Variants in DPP6 observed in about 807,000 individuals in gnomAD.
DPP6 encodes A-type potassium channel modulatory protein DPP6.
Under a neutral mutation model 122.6 loss-of-function variants are expected in DPP6, and 69 were observed. That is an observed-to-expected ratio of 0.56 (90% CI 0.46 to 0.69). DPP6 has a LOEUF of 0.69. Ranked by LOEUF, DPP6 falls within the 30% of genes least tolerant of loss-of-function variation. The pLI, the probability that DPP6 is intolerant of heterozygous loss-of-function variation, is 0.00. For missense variants in DPP6, 928 were observed against 1,116.9 expected (o/e 0.83, Z 2.41); for synonymous variants, 418 against 433.1 (o/e 0.97, Z 0.43).
intron 7 of DPP6, among the ~76,000 whole-genome samples, chr7:154,680,808 G>A (rs934945288): frequency 1.3e-5 from 2 of 152,054 alleles, no homozygotes; most frequent in African/African-American, 2.4e-5. Flanking sequence ...GCTTTTTGCA[G>A]AGAATCCAAA....
chr7:154,460,861 A>G (rs879222543), intron 2 of DPP6, among the ~76,000 whole-genome samples: 17 of 152,174 alleles, frequency 1.1e-4, no homozygotes, highest in Admixed American at 1.0e-3. Context: ...CAATCCAATT[A>G]TACTCTTTTA....
At chr7:154,541,848 A>G (rs1021735313) in intron 4 of DPP6, among the ~76,000 whole-genome samples, 1 of 152,166 alleles carries the variant, frequency 6.6e-6, no homozygotes, top group African/African-American at 2.4e-5. Flanking sequence ...GACTTAGAGC[A>G]TGAGCTTTTG....
At chr7:154,716,468 C>A (rs1265664275) in intron 7 of DPP6, among the ~76,000 whole-genome samples, 1 of 152,212 alleles carries the variant, frequency 6.6e-6, no homozygotes, top group Non-Finnish European at 1.5e-5. Flanking sequence ...CCCTTCAACT[C>A]TCTCCCATGC....
At chr7:153,859,447 C>A in the DPP6 span, among the ~76,000 whole-genome samples, 1 of 152,184 alleles carries the variant, frequency 6.6e-6, no homozygotes, top group Non-Finnish European at 1.5e-5. Flanking sequence ...ACGTGGCTGT[C>A]TAGACCATGT....
intron 1 of DPP6, among the ~76,000 whole-genome samples, chr7:154,382,677 A>G (rs1371673962): frequency 6.6e-6 from 1 of 152,216 alleles, no homozygotes; most frequent in Non-Finnish European, 1.5e-5. Context: ...TTCTTCTGCC[A>G]TAATTTTTCT....
chr7:154,386,341 G>A (rs561119766), intron 1 of DPP6, among the ~76,000 whole-genome samples: 1 of 152,002 alleles, frequency 6.6e-6, no homozygotes, highest in Non-Finnish European at 1.5e-5. Context: ...TTCTCCATGA[G>A]TAGGAGGAGG....
At chr7:153,934,221 T>C (rs972051859) in intron 1 of DPP6, among the ~76,000 whole-genome samples, 7 of 152,090 alleles carry the variant, frequency 4.6e-5, no homozygotes, top group Non-Finnish European at 8.8e-5. Context: ...GGTACTTCTG[T>C]GGCTCAGCAG....
At chr7:153,926,759 AT>A (rs1250682378) in intron 1 of DPP6, among the ~76,000 whole-genome samples, 3 of 152,150 alleles carry the variant, frequency 2.0e-5, no homozygotes, top group African/African-American at 7.2e-5. Context: ...ATTCCATGAA[AT>A]AAACAGACAG....
intron 21 of DPP6, chr7:154,884,018 TCA>T (rs1263358300): frequency 2.9e-5 from 3 of 104,756 alleles, no homozygotes; most frequent in African/African-American, 4.0e-5. Context: ...ACACACACGC[TCA>T]CACATACACT....
chr7:153,805,265 G>C, the DPP6 span, among the ~76,000 whole-genome samples: 2 of 152,256 alleles, frequency 1.3e-5, no homozygotes, highest in South Asian at 4.2e-4. Flanking sequence ...ATAAAATATA[G>C]TATATGACTG....
intron 20 of DPP6, among the ~76,000 whole-genome samples, chr7:154,878,617 C>T (rs1414482423): frequency 6.6e-6 from 1 of 152,218 alleles, no homozygotes; most frequent in Non-Finnish European, 1.5e-5. Flanking sequence ...CACAGTTCCC[C>T]CGTCCACCAC....
intron 4 of DPP6, among the ~76,000 whole-genome samples, chr7:154,557,171 G>C (rs114169686): frequency 6.4e-4 from 97 of 152,312 alleles, no homozygotes; most frequent in African/African-American, 2.2e-3. Flanking sequence ...TTATCCACCA[G>C]ATAAGTGGAG....
At chr7:154,144,265 C>G (rs557784225) in intron 1 of DPP6, among the ~76,000 whole-genome samples, 1 of 151,476 alleles carries the variant, frequency 6.6e-6, no homozygotes, top group Admixed American at 6.6e-5. Flanking sequence ...CATTAATTCA[C>G]TCATTTATTC....
At chr7:154,436,237 C>T (rs769154122) in intron 1 of DPP6, among the ~76,000 whole-genome samples, 3 of 150,762 alleles carry the variant, frequency 2.0e-5, no homozygotes, top group Admixed American at 1.3e-4. Context: ...ATCTCGGATG[C>T]TTCACGCCTC....
chr7:153,962,782 C>G (rs1795421058), intron 1 of DPP6, among the ~76,000 whole-genome samples: 1 of 152,206 alleles, frequency 6.6e-6, no homozygotes, highest in African/African-American at 2.4e-5. Context: ...CCTTCAGACA[C>G]CACCTTCCCA....
intron 16 of DPP6, among the ~76,000 whole-genome samples, chr7:154,847,585 A>T (rs1802046049): frequency 6.6e-6 from 1 of 152,168 alleles, no homozygotes; most frequent in Non-Finnish European, 1.5e-5. Context: ...ATGTGATGTT[A>T]TATACATATA....
At chr7:154,714,345 G>T (rs1028074509) in intron 7 of DPP6, among the ~76,000 whole-genome samples, 3 of 152,116 alleles carry the variant, frequency 2.0e-5, no homozygotes, top group Non-Finnish European at 4.4e-5. Context: ...CTTTATAGCA[G>T]CACCTCACTC....
At chr7:153,854,277 T>C in the DPP6 span, among the ~76,000 whole-genome samples, 5 of 152,056 alleles carry the variant, frequency 3.3e-5, no homozygotes, top group East Asian at 3.9e-4. Flanking sequence ...AGTCAGGTAG[T>C]GTGATGCCTC....
chr7:154,550,804 G>C (rs1490992441), intron 4 of DPP6, among the ~76,000 whole-genome samples: 1 of 145,252 alleles, frequency 6.9e-6, no homozygotes, highest in Non-Finnish European at 1.5e-5. Flanking sequence ...AAGCTGGAGT[G>C]CAATGGCGCG....
Sources: gnomAD v4.1 joint callset for allele counts (sites outside exome capture counted in the v4.1 genomes callset) on GRCh38, gnomAD v4.1.1 for gene constraint, MANE v1.5 for transcripts, NCBI Gene and HGNC (gene_info 2026-07-23, HGNC 2026-07-21) for gene names.